The following INPP4B variants were observed in gnomAD, a reference collection of about 807,000 sequenced individuals.
INPP4B encodes inositol polyphosphate 4-phosphatase type II.
A neutral mutation model predicts 122.5 loss-of-function variants in INPP4B; 55 were observed. That is an observed-to-expected ratio of 0.45 (90% confidence interval 0.36 to 0.56). The LOEUF is 0.56. Among genes scored for constraint, INPP4B ranks in the 20% least tolerant of loss-of-function variants. The pLI is 0.00. For missense variants in INPP4B, 1,000 were observed against 1,097.7 expected, an observed-to-expected ratio of 0.91 and a Z score of 1.26; for synonymous variants, 403 against 388.7, an observed-to-expected ratio of 1.04 and a Z score of -0.43.
At chr4:142,739,324 C>T (rs895456428) in intron 1 of INPP4B, among the ~76,000 whole-genome samples, 1 of 151,754 alleles carries the variant, frequency 6.6e-6, no homozygotes, top group African/African-American at 2.4e-5. Context: ...ATTATATGAG[C>T]TAAGTAGGAT....
intron 3 of INPP4B, among the ~76,000 whole-genome samples, chr4:142,435,011 C>G (rs1042528476): frequency 2.0e-5 from 3 of 152,160 alleles, no homozygotes; most frequent in African/African-American, 7.2e-5. Context: ...ACAGGTTACT[C>G]CAGCCAGATG....
intron 1 of INPP4B, among the ~76,000 whole-genome samples, chr4:142,831,512 C>A (rs894470541): frequency 1.5e-4 from 23 of 152,306 alleles, no homozygotes; most frequent in African/African-American, 5.5e-4. Flanking sequence ...AATTTCTCTG[C>A]AAATGTCTTC....
rs747811992 is a variant in INPP4B at position 142,314,707 on chromosome 4, C to T, written c.423+5G>A. ...GTGCCTTCTGGAAACGTTAGAAACACTTACCCCAACTTCTGGCGGGGGATC... is the reference window on the plus strand; with the variant it reads ...GTGCCTTCTGGAAACGTTAGAAACATTTACCCCAACTTCTGGCGGGGGATC... On this transcript the variant is annotated splice_donor_5th_base_variant and intron_variant, in intron 8 of 25. Coordinates refer to ENST00000262992, the MANE Select transcript of INPP4B (RefSeq NM_001101669.3). 6.2e-7 allele frequency: 1 copy of T among 1,601,432 alleles called. No homozygotes were observed. The highest frequency in any genetic ancestry group is 8.5e-7 in the Non-Finnish European group (1 of 1,175,202).
intron 23 of INPP4B, among the ~76,000 whole-genome samples, chr4:142,088,359 C>G (rs1459993998): frequency 6.6e-6 from 1 of 152,080 alleles, no homozygotes; most frequent in East Asian, 1.9e-4. Context: ...CAAAACAAAC[C>G]CAGGGGAAGC....
chr4:142,498,489 A>T (rs921007681), intron 2 of INPP4B, among the ~76,000 whole-genome samples: 2 of 152,050 alleles, frequency 1.3e-5, no homozygotes, highest in African/African-American at 4.8e-5. Context: ...AAGTATTATT[A>T]AAAAAGGAGC....
intron 11 of INPP4B, among the ~76,000 whole-genome samples, chr4:142,246,751 A>G (rs1429442601): frequency 6.6e-6 from 1 of 152,172 alleles, no homozygotes; most frequent in Non-Finnish European, 1.5e-5. Flanking sequence ...AACAGAGACA[A>G]TTCGACTTCC....
chr4:142,174,141 T>C (rs1288925940), intron 15 of INPP4B, among the ~76,000 whole-genome samples: 1 of 152,076 alleles, frequency 6.6e-6, no homozygotes, highest in Non-Finnish European at 1.5e-5. Flanking sequence ...AACAAATTAG[T>C]ATTACTATTA....
intron 2 of INPP4B, among the ~76,000 whole-genome samples, chr4:142,658,996 C>T (rs184905663): frequency 6.7e-4 from 102 of 152,170 alleles, no homozygotes; most frequent in Non-Finnish European, 1.0e-3. Flanking sequence ...ACCCAAAAGG[C>T]GTATGTAGAA....
chr4:142,752,609 C>T (rs1580837083), intron 1 of INPP4B, among the ~76,000 whole-genome samples: 1 of 152,174 alleles, frequency 6.6e-6, no homozygotes, highest in South Asian at 2.1e-4. Flanking sequence ...ATGAGTCCTT[C>T]TTTTGTCCTT....
At chr4:142,701,570 T>C (rs997209052) in intron 2 of INPP4B, among the ~76,000 whole-genome samples, 3 of 152,108 alleles carry the variant, frequency 2.0e-5, no homozygotes, top group African/African-American at 7.2e-5. Context: ...TTTGGGCTTG[T>C]TTCTATTTCA....
intron 18 of INPP4B, among the ~76,000 whole-genome samples, chr4:142,133,837 T>A (rs1456096829): frequency 6.6e-6 from 1 of 152,218 alleles, no homozygotes; most frequent in Non-Finnish European, 1.5e-5. Flanking sequence ...CTGTCTCACC[T>A]CCTGTGTCTT....
At chr4:142,737,251 T>C (rs1767083659) in intron 1 of INPP4B, among the ~76,000 whole-genome samples, 1 of 152,124 alleles carries the variant, frequency 6.6e-6, no homozygotes, top group Non-Finnish European at 1.5e-5. Flanking sequence ...ATGGTACTGG[T>C]ACCAAAACAG....
intron 11 of INPP4B, among the ~76,000 whole-genome samples, chr4:142,253,087 C>T (rs142179793): frequency 4.2e-4 from 64 of 152,032 alleles, no homozygotes; most frequent in Admixed American, 8.5e-4. Context: ...TATTTATGTA[C>T]CTAAACATAT....
At chr4:142,397,844 A>G (rs986483206) in intron 7 of INPP4B, among the ~76,000 whole-genome samples, 5 of 151,156 alleles carry the variant, frequency 3.3e-5, no homozygotes, top group Non-Finnish European at 7.4e-5. Flanking sequence ...TCTCAAAAAA[A>G]ATAAAAAATA....
intron 25 of INPP4B, among the ~76,000 whole-genome samples, chr4:142,052,231 T>A (rs1455283138): frequency 6.6e-6 from 1 of 152,030 alleles, no homozygotes; most frequent in Non-Finnish European, 1.5e-5. Flanking sequence ...ACTCCATGTA[T>A]TATAAATTAG....
At chr4:142,806,847 G>A (rs1313783809) in intron 1 of INPP4B, among the ~76,000 whole-genome samples, 1 of 149,832 alleles carries the variant, frequency 6.7e-6, no homozygotes, top group Admixed American at 6.6e-5. Flanking sequence ...AAGAAAGAAA[G>A]AAAGGAGAAG....
chr4:142,103,806 C>CACACACACACATACACACACACAG (rs1785654352), intron 23 of INPP4B, among the ~76,000 whole-genome samples: 1 of 143,454 alleles, frequency 7.0e-6, no homozygotes, highest in Non-Finnish European at 1.6e-5. Flanking sequence ...TGTTCATAAA[C>CACACACACACATACACACACACAG]ACACACACAC....
chr4:142,155,008 T>C (rs1816418290), intron 17 of INPP4B, among the ~76,000 whole-genome samples: 1 of 151,392 alleles, frequency 6.6e-6, no homozygotes, highest in African/African-American at 2.4e-5. Context: ...TGATTTGAAG[T>C]TGGATATATA....
At chr4:142,739,831 C>A (rs949790669) in intron 1 of INPP4B, among the ~76,000 whole-genome samples, 7 of 151,936 alleles carry the variant, frequency 4.6e-5, no homozygotes, top group Admixed American at 3.9e-4. Flanking sequence ...CTACAAGCAC[C>A]TTTTATTGAG....
Sources: gnomAD v4.1 joint callset for allele counts (sites outside exome capture counted in the v4.1 genomes callset) on GRCh38, gnomAD v4.1.1 for gene constraint, MANE v1.5 for transcripts, NCBI Gene and HGNC (gene_info 2026-07-23, HGNC 2026-07-21) for gene names.